The following ZDHHC14 variants were observed in gnomAD, a reference collection of about 807,000 sequenced individuals.
The protein encoded by ZDHHC14 is zDHHC palmitoyltransferase 14.
In ZDHHC14, 16 loss-of-function variants were observed where a neutral mutation model predicts 47.7. That is an observed-to-expected ratio of 0.34 (90% CI 0.23 to 0.51). The LOEUF (loss-of-function observed/expected upper bound fraction) is 0.51, where lower values mean the gene tolerates loss of function less well. Among genes scored for constraint, ZDHHC14 ranks in the 20% least tolerant of loss-of-function variants. The pLI is 0.97. For synonymous variants in ZDHHC14, 293 were observed against 278.9 expected (o/e 1.05, Z -0.50); for missense variants, 515 against 662.5 (o/e 0.78, Z 2.44).
chr6:157,425,918 A>G (rs925374678), intron 1 of ZDHHC14, among the ~76,000 whole-genome samples: 2 of 152,124 alleles, frequency 1.3e-5, no homozygotes, highest in Non-Finnish European at 2.9e-5. Flanking sequence ...GCCACCCCAC[A>G]GGTCTTTGCC....
At chr6:157,443,937 C>T (rs9346769) in intron 1 of ZDHHC14, among the ~76,000 whole-genome samples, 39,648 of 152,088 alleles carry the variant, frequency 0.26, 5,611 homozygotes, top group Admixed American at 0.4. Context: ...CCTAGTGTAC[C>T]GTAAGCACTA....
intron 1 of ZDHHC14, among the ~76,000 whole-genome samples, chr6:157,519,623 G>A (rs757098710): frequency 2.0e-5 from 3 of 152,222 alleles, no homozygotes; most frequent in Non-Finnish European, 2.9e-5. Context: ...CAACATTCTG[G>A]ATCACCAGCA....
chr6:157,496,759 G>C (rs942923169), intron 1 of ZDHHC14, among the ~76,000 whole-genome samples: 2 of 152,174 alleles, frequency 1.3e-5, no homozygotes, highest in African/African-American at 4.8e-5. Context: ...TAAACTGTCA[G>C]ACCCTACATT....
At position 157,616,802 on chromosome 6, in the gene ZDHHC14, C is replaced by G. The variant is rs916011583; in HGVS notation, c.566-11547C>G. Among the ~76,000 whole-genome samples, 5 of 152,152 alleles carry G rather than the reference C, an allele frequency of 3.3e-5. 1 individual carries two copies. The South Asian group carries it at 1.0e-3, about 32-fold the overall frequency. On this transcript the variant is annotated intron_variant, in intron 3 of 8. Coordinates refer to ENST00000359775, the MANE Select transcript of ZDHHC14 (RefSeq NM_024630.3). ...GATGATGTCTGGGTGTCAAACGCCC[C>G]TTCTGCACACCTGAGAGTCACTTTG...
chr6:157,547,038 A>G (rs1266217893), intron 2 of ZDHHC14, among the ~76,000 whole-genome samples: 1 of 152,256 alleles, frequency 6.6e-6, no homozygotes, highest in Non-Finnish European at 1.5e-5. Context: ...GGGTGGAACC[A>G]GATCAAAGGA....
At position 157,586,019 on chromosome 6, in the gene ZDHHC14, C is replaced by T. The variant is rs141068456; in HGVS notation, c.407-6969C>T. Among the ~76,000 whole-genome samples, 1,412 of 152,286 alleles carry T rather than the reference C, an allele frequency of 9.3e-3. 10 individuals carry two copies. The highest frequency in any genetic ancestry group is 0.024 in the Middle Eastern group (7 of 294). On this transcript the variant is annotated intron_variant, in intron 2 of 8. Coordinates refer to ENST00000359775, the MANE Select transcript of ZDHHC14 (RefSeq NM_024630.3). This position sits in a 1 kb window ranked among gnomAD's most constrained non-coding sequence, Gnocchi z 4.6. The stretch of plus-strand genomic sequence containing the variant: ...CATCTCCTATGTGCTAGACTCTCTG[C>T]TGGATGATGGGGACTTGAAAGTGGA...
intron 3 of ZDHHC14, among the ~76,000 whole-genome samples, chr6:157,608,772 G>A (rs1784644700): frequency 2.0e-5 from 3 of 152,170 alleles, no homozygotes; most frequent in Admixed American, 1.3e-4. Flanking sequence ...TTCAAAAAGT[G>A]TCCTCTGTCT....
intron 3 of ZDHHC14, among the ~76,000 whole-genome samples, chr6:157,603,041 G>A (rs984797323): frequency 1.3e-5 from 2 of 152,172 alleles, no homozygotes; most frequent in Non-Finnish European, 1.5e-5. Flanking sequence ...TGGGGCCATC[G>A]TCCCCCTGGG....
At chr6:157,576,857 A>G (rs533874772) in intron 2 of ZDHHC14, among the ~76,000 whole-genome samples, 156 of 152,340 alleles carry the variant, frequency 1.0e-3, no homozygotes, top group Non-Finnish European at 1.6e-3. Context: ...TCCTTCGGTA[A>G]GGAAAGAATT....
intron 2 of ZDHHC14, among the ~76,000 whole-genome samples, chr6:157,560,257 A>G (rs1414547268): frequency 6.6e-6 from 1 of 152,234 alleles, no homozygotes; most frequent in South Asian, 2.1e-4. Flanking sequence ...CTGTTGCCAC[A>G]TCAGTTGCCT....
chr6:157,508,824 CA>C (rs201417759), intron 1 of ZDHHC14, among the ~76,000 whole-genome samples: 4,276 of 152,216 alleles, frequency 0.028, 178 homozygotes, highest in African/African-American at 0.097. Flanking sequence ...CTTTCAGTAC[CA>C]AAAACTCCTT....
chr6:157,600,808 G>C (rs1169124505), intron 3 of ZDHHC14, among the ~76,000 whole-genome samples: 1 of 152,018 alleles, frequency 6.6e-6, no homozygotes, highest in Non-Finnish European at 1.5e-5. Context: ...ACACCCCCCG[G>C]GTTGCTCCAA....
At chr6:157,484,295 A>G (rs569651561) in intron 1 of ZDHHC14, among the ~76,000 whole-genome samples, 5,606 of 21,340 alleles carry the variant, frequency 0.26, 192 homozygotes, top group Non-Finnish European at 0.35. Context: ...ATATATGTGT[A>G]TATATATATA....
chr6:157,628,630 G>A, intron 4 of ZDHHC14, 144 bp downstream of exon 4: 1 of 1,134,534 alleles, frequency 8.8e-7, no homozygotes, highest in East Asian at 2.4e-5. Flanking sequence ...CTTCCAGCCT[G>A]CCTCGCTTTT....
intron 1 of ZDHHC14, among the ~76,000 whole-genome samples, chr6:157,539,917 T>C (rs1188917280): frequency 6.6e-6 from 1 of 152,062 alleles, no homozygotes; most frequent in African/African-American, 2.4e-5. Context: ...GGACTTCCTA[T>C]TACCTTCATA....
At chr6:157,637,996 G>C (rs1178270936) in intron 5 of ZDHHC14, among the ~76,000 whole-genome samples, 1 of 152,158 alleles carries the variant, frequency 6.6e-6, no homozygotes, top group South Asian at 2.1e-4. Context: ...AGAACTTTAG[G>C]AGAAAGGAAC....
chr6:157,457,838 C>T (rs963327560), intron 1 of ZDHHC14, among the ~76,000 whole-genome samples: 11 of 152,178 alleles, frequency 7.2e-5, no homozygotes, highest in Admixed American at 3.9e-4. Flanking sequence ...CATTGAGAGA[C>T]GGTCCCCTGA....
chr6:157,662,673 C>A (rs191346649), intron 8 of ZDHHC14, among the ~76,000 whole-genome samples: 70 of 152,362 alleles, frequency 4.6e-4, no homozygotes, highest in African/African-American at 1.6e-3. Context: ...GGAAGGAGTT[C>A]TCTTTGATGT....
At chr6:157,521,801 A>G (rs1037421841) in intron 1 of ZDHHC14, among the ~76,000 whole-genome samples, 6 of 152,192 alleles carry the variant, frequency 3.9e-5, no homozygotes, top group Non-Finnish European at 8.8e-5. Context: ...GAAGGTGCTC[A>G]TTGTGAAATC....
Sources: gnomAD v4.1 joint callset for allele counts (sites outside exome capture counted in the v4.1 genomes callset) on GRCh38, gnomAD v4.1.1 for gene constraint, Gnocchi (gnomAD v3.1) non-coding constraint, MANE v1.5 for transcripts, NCBI Gene and HGNC (gene_info 2026-07-23, HGNC 2026-07-21) for gene names.